Variants in ICE1 observed in about 807,000 individuals in gnomAD.
ICE1 encodes the protein little elongation complex subunit 1.
A neutral mutation model predicts 192.7 loss-of-function variants in ICE1; 64 were observed. That is an observed-to-expected ratio of 0.33 (90% CI 0.27 to 0.41). The LOEUF (loss-of-function observed/expected upper bound fraction) is 0.41, where lower values mean the gene tolerates loss of function less well. Ranked by LOEUF, ICE1 falls within the 10% of genes least tolerant of loss-of-function variation. ICE1 has a pLI of 1.00. For synonymous variants in ICE1, 1,010 were observed against 984.5 expected (o/e 1.03, Z -0.49); for missense variants, 2,708 against 2,696.0 (o/e 1.00, Z -0.10).
At chr5:5,457,878 A>C (rs1007906751) in intron 12 of ICE1, 137 bp downstream of exon 12, 3 of 817,066 alleles carry the variant, frequency 3.7e-6, no homozygotes, top group Non-Finnish European at 5.9e-6. Flanking sequence ...GGGTAACATG[A>C]GGTTTTTAAA....
intron 1 of ICE1, among the ~76,000 whole-genome samples, chr5:5,429,562 T>C (rs184500340): frequency 6.6e-6 from 1 of 152,362 alleles, no homozygotes; most frequent in East Asian, 1.9e-4. Flanking sequence ...GAAACTGTCT[T>C]CTCTTACATA....
At chr5:5,481,945 A>T (rs1214059300) in intron 17 of ICE1, among the ~76,000 whole-genome samples, 1 of 152,226 alleles carries the variant, frequency 6.6e-6, no homozygotes, top group Non-Finnish European at 1.5e-5. Context: ...TGTTTGTCCA[A>T]GGACAGAATC....
rs1561087544 is a variant in ICE1, at chr5:5,460,745, A to G, written c.1411A>G (p.Met471Val). The change falls in exon 13 of 19, where the codon ATG becomes GTG. Residue 471 changes from methionine (M) to valine (V), a missense_variant. Transcript: ENST00000296564. ...EKHWTTASRS[M>V]SDRKRDILHE... ...ACACTGGACCACAGCATCTCGATCC[A>G]TGAGTGATAGAAAAAGAGACATTTT... 1.2e-6 allele frequency: 2 copies of G among 1,614,032 alleles called. No homozygotes were observed. Among genetic ancestry groups the G allele is most frequent in the Non-Finnish European group, 1.7e-6 (2 of 1,179,902 alleles).
chr5:5,462,225 T>A lies in ICE1; in HGVS notation c.2891T>A (p.Ile964Asn), dbSNP rs776830774. The A allele has an allele frequency of 5.0e-6, 8 of 1,610,848 alleles. No individual in the cohort carries two copies. The East Asian group carries it at 1.8e-4, about 36-fold the overall frequency. The change falls in exon 13 of 19, where the codon ATC becomes AAC. Residue 964 changes from isoleucine to asparagine, a missense_variant. This residue lies in a region of ICE1 where 2,366 missense variants were observed against 2,276.6 expected (regional missense o/e 1.04). Transcript: ENST00000296564. ...AGATTATCTTTCTCTCCTGAAAATATCCTCATCCAAAACCAAGACATTGTG... is the reference window on the plus strand; with the variant it reads ...AGATTATCTTTCTCTCCTGAAAATAACCTCATCCAAAACCAAGACATTGTG... ...NSRLSFSPENILIQNQDIVRE... is the reference protein window; with the variant it reads ...NSRLSFSPENNLIQNQDIVRE...
chr5:5,435,008 C>T (rs908821131), intron 1 of ICE1, among the ~76,000 whole-genome samples: 1 of 152,114 alleles, frequency 6.6e-6, no homozygotes, highest in African/African-American at 2.4e-5. Context: ...TAAGTCTGGT[C>T]CAGCAGTACC....
chr5:5,433,356 T>C (rs1214389940), intron 1 of ICE1, among the ~76,000 whole-genome samples: 2 of 152,154 alleles, frequency 1.3e-5, no homozygotes, highest in African/African-American at 2.4e-5. Flanking sequence ...TCCATTCCCC[T>C]TCACCTTCTC....
In ICE1 at chr5:5,473,740, C is replaced by T; in HGVS notation, c.6405C>T (p.Asn2135=). ...AGAAATGGATCTGGACGCATGATAA[C>T]ATCATAAGGTTAGTTATTTTACTAA... ...CHQKWIWTHD[N]IISKELWPVM... The change falls in exon 16 of 19, where the codon AAC becomes AAT. Residue 2135 remains asparagine, a synonymous_variant. Transcript: ENST00000296564. The T allele has an allele frequency of 6.3e-7, 1 of 1,582,494 alleles. No homozygotes were observed. Among genetic ancestry groups the T allele is most frequent in the Non-Finnish European group, 8.6e-7 (1 of 1,168,126 alleles).
At chr5:5,434,745 G>A (rs1213125921) in intron 1 of ICE1, among the ~76,000 whole-genome samples, 1 of 152,090 alleles carries the variant, frequency 6.6e-6, no homozygotes, top group African/African-American at 2.4e-5. Context: ...TTCATTATAT[G>A]CTGCCAAAAT....
intron 17 of ICE1, among the ~76,000 whole-genome samples, chr5:5,483,094 G>A (rs112342900): frequency 0.011 from 1,737 of 152,148 alleles, 33 homozygotes; most frequent in African/African-American, 0.04. Context: ...AGGTTCAAGC[G>A]ATTCTCCTGT....
At chr5:5,454,442 A>G (rs1738528453) in intron 10 of ICE1, 110 bp from the exon 11 acceptor site, 15 of 665,900 alleles carry the variant, frequency 2.3e-5, no homozygotes, top group South Asian at 1.5e-4. Context: ...GGGAAGATGT[A>G]TATGTAATTT....
chr5:5,471,897 CT>C (rs1380437463), intron 15 of ICE1, among the ~76,000 whole-genome samples: 1 of 152,068 alleles, frequency 6.6e-6, no homozygotes, highest in African/African-American at 2.4e-5. Flanking sequence ...GTGATAAAAT[CT>C]TTAAGGATGC....
At position 5,447,510 on chromosome 5, in the gene ICE1, G is replaced by T. The variant is rs1409514714; in HGVS notation, c.507+1G>T. On this transcript the variant is annotated splice_donor_variant, in intron 8 of 18. Coordinates refer to ENST00000296564, the MANE Select transcript of ICE1 (RefSeq NM_015325.3). LOFTEE classifies it high-confidence loss of function. ...TGAAAAGGAATTTAAGAAGACACAG[G>T]TACTAGATAAAAGCAGCATACACAC... is the stretch of plus-strand genomic sequence containing the variant. The T allele has an allele frequency of 6.5e-7, 1 of 1,547,928 alleles. No homozygotes were observed. Among genetic ancestry groups the T allele is most frequent in the Non-Finnish European group, 8.7e-7 (1 of 1,144,006 alleles).
At chr5:5,466,960 C>T (rs1035222192) in intron 14 of ICE1, among the ~76,000 whole-genome samples, 3 of 152,166 alleles carry the variant, frequency 2.0e-5, no homozygotes, top group African/African-American at 7.2e-5. Flanking sequence ...ACTATTTCTT[C>T]CATCCCTACT....
chr5:5,480,091 AAG>A (rs1216081426), intron 17 of ICE1, among the ~76,000 whole-genome samples: 5 of 152,112 alleles, frequency 3.3e-5, no homozygotes, highest in Non-Finnish European at 4.4e-5. Flanking sequence ...CAACTGAAAA[AAG>A]AAAGCTCTCT....
In ICE1 at chr5:5,462,016, C is replaced by A; in HGVS notation, c.2682C>A (p.Asn894Lys). 6.2e-7 allele frequency: 1 copy of A among 1,613,934 alleles called. No individual in the cohort carries two copies. Among genetic ancestry groups the A allele is most frequent in the Non-Finnish European group, 8.5e-7 (1 of 1,179,876 alleles). The change falls in exon 13 of 19, where the codon AAC becomes AAA. Residue 894 changes from asparagine (N) to lysine (K), a missense_variant. Physicochemically the swap from Asn to Lys is moderately conservative, Grantham distance 94. This residue lies in a region of ICE1 where 2,366 missense variants were observed against 2,276.6 expected (regional missense o/e 1.04). Coordinates refer to ENST00000296564, the MANE Select transcript of ICE1 (RefSeq NM_015325.3). ...CCTTAGTAACAGAAAATAGTGGCAA[C>A]AAAACCGGTATGTCAACTGTAGCAA... is the stretch of plus-strand genomic sequence containing the variant. ...EPTLVTENSGNKTGMSTVAKC... is the reference protein window; with the variant it reads ...EPTLVTENSGKKTGMSTVAKC...
chr5:5,440,079 TCTC>T (rs377156538), intron 4 of ICE1, among the ~76,000 whole-genome samples, 166 bp downstream of exon 4: 183 of 152,296 alleles, frequency 1.2e-3, no homozygotes, highest in African/African-American at 4.0e-3. Flanking sequence ...GGACTCAAGT[TCTC>T]CTACTATTAA....
intron 15 of ICE1, 69 bp from the exon 16 acceptor site, chr5:5,473,489 T>C (rs557389652): frequency 5.0e-5 from 67 of 1,337,780 alleles, no homozygotes; most frequent in Middle Eastern, 3.7e-4. Flanking sequence ...TATAGTCTTT[T>C]AGATAACTAA....
At chr5:5,466,774 AG>A (rs1257725566) in intron 14 of ICE1, among the ~76,000 whole-genome samples, 1 of 152,190 alleles carries the variant, frequency 6.6e-6, no homozygotes. Context: ...AATTAGATAT[AG>A]TTGCCTTAAA....
At chr5:5,466,277 G>C in intron 13 of ICE1, 57 bp from the exon 14 acceptor site, 4 of 1,429,074 alleles carry the variant, frequency 2.8e-6, no homozygotes, top group Middle Eastern at 2.2e-4. Flanking sequence ...ATAATCTTTG[G>C]TAGGCTGAAG....
Sources: gnomAD v4.1 joint callset for allele counts (sites outside exome capture counted in the v4.1 genomes callset) on GRCh38, gnomAD v4.1.1 for gene constraint, gnomAD v4.1.1 regional missense constraint, MANE v1.5 for transcripts, NCBI Gene and HGNC (gene_info 2026-07-23, HGNC 2026-07-21) for gene names.